The following STX8 variants were observed in gnomAD, a reference collection of about 807,000 sequenced individuals.
The protein encoded by STX8 is syntaxin-8.
In STX8, 23 loss-of-function variants were observed where a neutral mutation model predicts 37.5. The ratio of observed to expected loss-of-function variants is 0.61; its 90% CI spans 0.44 to 0.87. STX8 has a LOEUF of 0.87. STX8 is among the 40% of genes least tolerant of loss of function. STX8 has a pLI of 0.00. For missense variants in STX8, 313 were observed against 284.7 expected, an observed-to-expected ratio of 1.10 and a Z score of -0.71; for synonymous variants, 115 against 99.1, an observed-to-expected ratio of 1.16 and a Z score of -0.95.
intron 4 of STX8, among the ~76,000 whole-genome samples, chr17:9,522,687 G>A (rs1219387629): frequency 1.3e-5 from 2 of 151,932 alleles, no homozygotes; most frequent in African/African-American, 2.4e-5. Flanking sequence ...ACTCCAGCCT[G>A]GGCGAAAGAG....
chr17:9,567,585 T>TAAATGAAAA (rs1907511506), intron 2 of STX8, among the ~76,000 whole-genome samples: 1 of 152,242 alleles, frequency 6.6e-6, no homozygotes, highest in Admixed American at 6.5e-5. Context: ...GGCTTCTATT[T>TAAATGAAAA]TCAATCATAG....
chr17:9,382,171 T>TCACACA (rs57809204), intron 6 of STX8, among the ~76,000 whole-genome samples: 21 of 146,972 alleles, frequency 1.4e-4, no homozygotes, highest in African/African-American at 4.7e-4. Context: ...AAGAAAACAC[T>TCACACA]CACACACACA....
chr17:9,428,717 T>C (rs1379171091), intron 6 of STX8, among the ~76,000 whole-genome samples: 1 of 152,214 alleles, frequency 6.6e-6, no homozygotes, highest in East Asian at 1.9e-4. Flanking sequence ...ACCATTTCAG[T>C]ATGTAATCAA....
At chr17:9,526,763 G>A (rs934284571) in intron 4 of STX8, among the ~76,000 whole-genome samples, 17 of 152,068 alleles carry the variant, frequency 1.1e-4, no homozygotes, top group Admixed American at 5.2e-4. Context: ...CCAGCTACTC[G>A]GGAGGCTGAG....
intron 6 of STX8, among the ~76,000 whole-genome samples, chr17:9,381,666 T>C (rs918831752): frequency 3.3e-5 from 5 of 152,056 alleles, no homozygotes; most frequent in African/African-American, 1.2e-4. Context: ...CAAGATAAAA[T>C]AAATATGAAA....
chr17:9,304,368 T>A (rs1245101448), intron 7 of STX8, among the ~76,000 whole-genome samples: 1 of 151,630 alleles, frequency 6.6e-6, no homozygotes, highest in Non-Finnish European at 1.5e-5. Flanking sequence ...AATAAATTAA[T>A]ACAAATAATT....
At chr17:9,559,760 A>ATATATATATATATATATATTTT in intron 2 of STX8, among the ~76,000 whole-genome samples, 1 of 24,498 alleles carries the variant, frequency 4.1e-5, no homozygotes, top group African/African-American at 1.9e-4. Flanking sequence ...ATATATATAT[A>ATATATATATATATATATATTTT]TTTTTTTTTT....
At chr17:9,492,138 A>G (rs1342161789) in intron 5 of STX8, among the ~76,000 whole-genome samples, 1 of 152,206 alleles carries the variant, frequency 6.6e-6, no homozygotes, top group Non-Finnish European at 1.5e-5. Flanking sequence ...TTAAATATGA[A>G]AAACAAAGTA....
intron 7 of STX8, among the ~76,000 whole-genome samples, chr17:9,377,659 G>A (rs904109970): frequency 2.6e-4 from 39 of 152,026 alleles, no homozygotes; most frequent in Non-Finnish European, 7.4e-5. Flanking sequence ...ACAGGGTCTC[G>A]CCATGTTGCC....
intron 5 of STX8, among the ~76,000 whole-genome samples, chr17:9,496,685 G>A (rs1904417829): frequency 6.6e-6 from 1 of 152,172 alleles, no homozygotes; most frequent in Non-Finnish European, 1.5e-5. Flanking sequence ...TGAGACGGGG[G>A]ATTAGCCTGG....
intron 6 of STX8, among the ~76,000 whole-genome samples, chr17:9,453,664 TG>T (rs1198340150): frequency 3.9e-5 from 6 of 152,030 alleles, no homozygotes; most frequent in Non-Finnish European, 5.9e-5. Flanking sequence ...AGCTAATTTT[TG>T]TATTTTTAGT....
intron 6 of STX8, among the ~76,000 whole-genome samples, chr17:9,487,768 G>A (rs921386534): frequency 3.9e-5 from 6 of 152,214 alleles, no homozygotes; most frequent in African/African-American, 1.2e-4. Context: ...CAAAATGTGC[G>A]AGTCGAAGGA....
At chr17:9,319,933 T>C (rs1221721983) in intron 7 of STX8, among the ~76,000 whole-genome samples, 2 of 151,034 alleles carry the variant, frequency 1.3e-5, no homozygotes, top group African/African-American at 2.4e-5. Context: ...CTGGGCAACA[T>C]AGTGAGAGTC....
At position 9,537,282 on chromosome 17, in the gene STX8, C is replaced by T. The variant is rs551291900; in HGVS notation, c.323+7890G>A. On this transcript the variant is annotated intron_variant, in intron 4 of 7. Coordinates refer to ENST00000306357, the MANE Select transcript of STX8 (RefSeq NM_004853.3). ...ATACAGAAAGACTACATCCCCCAGCCGCCCTCAGAGCTAGGTTGGAGCCAC... is the reference window on the plus strand; with the variant it reads ...ATACAGAAAGACTACATCCCCCAGCTGCCCTCAGAGCTAGGTTGGAGCCAC... Among the ~76,000 whole-genome samples the T allele has an allele frequency of 8.5e-5, 13 of 152,352 alleles. No individual in the cohort carries two copies. In the South Asian group the frequency reaches 2.1e-3, roughly 24 times the overall value.
intron 7 of STX8, among the ~76,000 whole-genome samples, chr17:9,272,745 C>T (rs1316197398): frequency 1.3e-5 from 2 of 152,158 alleles, no homozygotes; most frequent in Non-Finnish European, 2.9e-5. Context: ...TCTTTACGCC[C>T]GCTGGAACAC....
At chr17:9,544,145 A>G (rs535285546) in intron 4 of STX8, among the ~76,000 whole-genome samples, 1 of 152,244 alleles carries the variant, frequency 6.6e-6, no homozygotes, top group Non-Finnish European at 1.5e-5. Flanking sequence ...CTGGAAACCA[A>G]CTAGAAACAA....
intron 7 of STX8, among the ~76,000 whole-genome samples, chr17:9,356,443 C>G (rs555062618): frequency 6.6e-6 from 1 of 152,246 alleles, no homozygotes; most frequent in East Asian, 1.9e-4. Flanking sequence ...CTCAGTGGTG[C>G]CCATGTAAGC....
chr17:9,508,523 T>C (rs1226513750), intron 4 of STX8, among the ~76,000 whole-genome samples: 1 of 152,156 alleles, frequency 6.6e-6, no homozygotes, highest in East Asian at 1.9e-4. Context: ...GAGATGGGGT[T>C]TCACCATGTT....
At chr17:9,492,821 C>A (rs775481068) in intron 5 of STX8, among the ~76,000 whole-genome samples, 1 of 152,108 alleles carries the variant, frequency 6.6e-6, no homozygotes, top group African/African-American at 2.4e-5. Context: ...GGCAGCCAGT[C>A]GCGGTGGCTC....
Sources: allele counts gnomAD v4.1 joint callset (sites outside exome capture counted in the v4.1 genomes callset), GRCh38; gene constraint gnomAD v4.1.1; transcripts MANE v1.5; gene names NCBI Gene and HGNC (gene_info 2026-07-23, HGNC 2026-07-21).